Variants in CTPS2 observed in about 807,000 individuals in gnomAD.
CTPS2 encodes CTP synthase 2.
CTPS2 carries 19 observed loss-of-function variants against 46.8 expected under a neutral mutation model. The observed-to-expected ratio is 0.41, with a 90% CI of 0.28 to 0.60. CTPS2 has a LOEUF of 0.60. Among genes scored for constraint, CTPS2 ranks in the 20% least tolerant of loss-of-function variants. The pLI, the probability that CTPS2 is intolerant of heterozygous loss-of-function variation, is 0.35. For synonymous variants in CTPS2, 151 were observed against 165.2 expected (o/e 0.91, Z 0.66); for missense variants, 286 against 447.6 (o/e 0.64, Z 3.26).
chrX:16,651,713 A>G (rs775144646), intron 13 of CTPS2, among the ~76,000 whole-genome samples: 41 of 112,491 alleles, frequency 3.6e-4, no homozygotes, highest in Non-Finnish European at 6.6e-4. Context: ...TCAAGAAAGG[A>G]CTAAATTTCC....
chrX:16,630,249 G>GT (rs1378462691), intron 14 of CTPS2, among the ~76,000 whole-genome samples: 8 of 90,646 alleles, frequency 8.8e-5, no homozygotes, highest in African/African-American at 3.4e-4. Flanking sequence ...TTGTTGTGTT[G>GT]TATTTTTTTT....
At position 16,709,226 on chromosome X, in the gene CTPS2, G is replaced by A. The variant is rs770302482; in HGVS notation, c.-40+3109C>T. Among the ~76,000 whole-genome samples the A allele has an allele frequency of 6.5e-4, 72 of 110,645 alleles. 1 individual carries two copies. Among genetic ancestry groups the A allele is most frequent in the Middle Eastern group, 9.7e-3 (2 of 206 alleles). ...GCGGATTGCCTGAGCTCAGGAGTTC[G>A]AGACCAGCCTGGGCAACATGGGGAA... On this transcript the variant is annotated intron_variant, in intron 1 of 18. Transcript: ENST00000359276.
intron 14 of CTPS2, among the ~76,000 whole-genome samples, chrX:16,634,863 C>A (rs1015298167): frequency 9.2e-6 from 1 of 108,419 alleles, no homozygotes; most frequent in African/African-American, 3.4e-5. Context: ...GCAGGAGAAT[C>A]GGTTGAACCT....
At chrX:16,637,296 G>A (rs1931803334) in intron 14 of CTPS2, among the ~76,000 whole-genome samples, 1 of 111,438 alleles carries the variant, frequency 9.0e-6, no homozygotes, top group African/African-American at 3.3e-5. Flanking sequence ...ATGGCTCACT[G>A]CAGCCTCAAC....
At chrX:16,661,009 G>T (rs1932934569) in intron 13 of CTPS2, among the ~76,000 whole-genome samples, 1 of 108,773 alleles carries the variant, frequency 9.2e-6, no homozygotes, top group Non-Finnish European at 1.9e-5. Context: ...GCCCAGGCTG[G>T]AGTGCAATGG....
At chrX:16,651,257 C>A in intron 13 of CTPS2, 1 of 692,489 alleles carries the variant, frequency 1.4e-6, no homozygotes, top group Non-Finnish European at 2.2e-6. Context: ...AGGACACATG[C>A]AGGTGGGGTT....
At chrX:16,674,672 A>G (rs999039269) in intron 10 of CTPS2, among the ~76,000 whole-genome samples, 4 of 105,008 alleles carry the variant, frequency 3.8e-5, no homozygotes, top group Non-Finnish European at 7.8e-5. Flanking sequence ...CCCCGTCTCT[A>G]CTAAAAATAC....
At chrX:16,668,809 G>A (rs918022288) in intron 11 of CTPS2, among the ~76,000 whole-genome samples, 1 of 106,827 alleles carries the variant, frequency 9.4e-6, no homozygotes, top group African/African-American at 3.4e-5. Flanking sequence ...AAGGAAGGAA[G>A]GAAGGAAAGA....
At chrX:16,594,461 T>G (rs1929124288) in intron 17 of CTPS2, among the ~76,000 whole-genome samples, 1 of 112,105 alleles carries the variant, frequency 8.9e-6, no homozygotes. Flanking sequence ...CTCTGAAAAC[T>G]ATATAAAAAC....
rs10666371 is a variant in CTPS2 at position 16,621,446 on chromosome X, TATAATA to T, written c.1394-1120_1394-1115del. ...TGCACATGTACCCTAGAACTTAAAG[TATAATA>T]ATAATAATAATAATAATAATAATAA... On this transcript the variant is annotated intron_variant, in intron 14 of 18. Transcript: ENST00000359276. Among the ~76,000 whole-genome samples, 62 of 102,857 alleles carry T rather than the reference TATAATA, an allele frequency of 6.0e-4. 1 individual carries two copies. Among genetic ancestry groups the T allele is most frequent in the South Asian group, 1.4e-3 (3 of 2,203 alleles). 89.3% of individuals were successfully genotyped at this position (102,857 alleles called of 115,157 possible).
rs1402606285 is a variant in CTPS2 at position 16,656,636 on chromosome X, G to A, written c.1296+10878C>T. On this transcript the variant is annotated intron_variant, in intron 13 of 18. Coordinates refer to ENST00000359276, the MANE Select transcript of CTPS2 (RefSeq NM_175859.3). ...TCACCGTGTTAGCCAGGATGGTCTCGATCTCCTGACCTTGTGATCCGCTCG... is the reference window on the plus strand; with the variant it reads ...TCACCGTGTTAGCCAGGATGGTCTCAATCTCCTGACCTTGTGATCCGCTCG... Among the ~76,000 whole-genome samples, 7 of 111,374 alleles carry A rather than the reference G, an allele frequency of 6.3e-5. No individual in the cohort carries two copies. In the South Asian group the frequency reaches 1.5e-3, roughly 24 times the overall value.
At chrX:16,593,477 CT>C (rs5901588) in intron 17 of CTPS2, among the ~76,000 whole-genome samples, 86 of 85,167 alleles carry the variant, frequency 1.0e-3, no homozygotes, top group Middle Eastern at 7.0e-3. Context: ...TGAAATTTTA[CT>C]TTTTTTTTTT....
chrX:16,702,994 A>C, intron 1 of CTPS2, 53 bp from the exon 2 acceptor site: 1 of 808,772 alleles, frequency 1.2e-6, no homozygotes, highest in Non-Finnish European at 1.8e-6. Context: ...AAAACTAGTA[A>C]AGCAGACAGT....
chrX:16,641,927 C>T (rs1280236398), intron 13 of CTPS2, among the ~76,000 whole-genome samples: 2 of 111,114 alleles, frequency 1.8e-5, no homozygotes, highest in Admixed American at 9.6e-5. Flanking sequence ...TTCAACAAAG[C>T]GGGAGAAGTC....
intron 9 of CTPS2, among the ~76,000 whole-genome samples, chrX:16,679,684 A>G (rs5980315): frequency 0.11 from 12,248 of 111,284 alleles, 954 homozygotes; most frequent in African/African-American, 0.27. Context: ...TAGGTCAAGA[A>G]GGCAGAGCAC....
At chrX:16,710,450 C>T (rs752448726) in intron 1 of CTPS2, among the ~76,000 whole-genome samples, 162 of 112,419 alleles carry the variant, frequency 1.4e-3, no homozygotes, top group Non-Finnish European at 2.5e-3. Flanking sequence ...TTAAGGCTGT[C>T]AGCCGTGACC....
At chrX:16,707,925 T>A (rs1925148598) in intron 1 of CTPS2, among the ~76,000 whole-genome samples, 1 of 110,915 alleles carries the variant, frequency 9.0e-6, no homozygotes, top group Non-Finnish European at 1.9e-5. Flanking sequence ...GAGGTTGCAG[T>A]GAGCTGAGAT....
chrX:16,688,511 T>C (rs1261336012), intron 8 of CTPS2, among the ~76,000 whole-genome samples: 2 of 108,722 alleles, frequency 1.8e-5, no homozygotes, highest in Non-Finnish European at 3.8e-5. Context: ...GCTCAAGTGA[T>C]CCTCTCACCT....
intron 15 of CTPS2, among the ~76,000 whole-genome samples, 155 bp from the exon 16 acceptor site, chrX:16,617,401 A>T (rs916541011): frequency 8.9e-6 from 1 of 112,006 alleles, no homozygotes; most frequent in Non-Finnish European, 1.9e-5. Context: ...TAAACTAATG[A>T]TGAACCTCAG....
Sources: gnomAD v4.1 joint callset for allele counts (sites outside exome capture counted in the v4.1 genomes callset) on GRCh38, gnomAD v4.1.1 for gene constraint, MANE v1.5 for transcripts, NCBI Gene and HGNC (gene_info 2026-07-23, HGNC 2026-07-21) for gene names.